The following DUSP13B variants were observed in gnomAD, a reference collection of about 807,000 sequenced individuals.
DUSP13B encodes dual specificity phosphatase 13B.
chr10:75,099,159 C>T, the DUSP13B span: 1 of 1,232,162 alleles, frequency 8.1e-7, no homozygotes, highest in South Asian at 4.1e-5. Flanking sequence ...GAATATGGGC[C>T]TGGTGCCGTG....
chr10:75,105,909 C>G, the DUSP13B span: 12 of 1,528,768 alleles, frequency 7.8e-6, no homozygotes, highest in Non-Finnish European at 1.1e-5. Flanking sequence ...TCCCACACAC[C>G]GGCCCACCCA....
the DUSP13B span, among the ~76,000 whole-genome samples, chr10:75,099,943 G>A: frequency 1.3e-5 from 2 of 152,192 alleles, no homozygotes; most frequent in East Asian, 3.9e-4. Context: ...GCAGGGCAGA[G>A]GGCAGTGTAG....
chr10:75,101,629 A>C, the DUSP13B span, among the ~76,000 whole-genome samples: 1 of 152,196 alleles, frequency 6.6e-6, no homozygotes, highest in Non-Finnish European at 1.5e-5. Flanking sequence ...ACCGAGACTC[A>C]GAGAGGTTAA....
At chr10:75,106,032 G>C in the DUSP13B span, among the ~76,000 whole-genome samples, 1 of 152,076 alleles carries the variant, frequency 6.6e-6, no homozygotes, top group Non-Finnish European at 1.5e-5. Flanking sequence ...CGGTAAAATG[G>C]GTAGATCAAC....
the DUSP13B span, chr10:75,099,205 G>A: frequency 8.6e-7 from 1 of 1,163,706 alleles, no homozygotes; most frequent in Non-Finnish European, 1.0e-6. Flanking sequence ...AACTGCCCCT[G>A]ATCCCCTGGA....
At chr10:75,097,788 G>A in the DUSP13B span, 13 of 1,613,766 alleles carry the variant, frequency 8.1e-6, no homozygotes, top group African/African-American at 4.0e-5. Flanking sequence ...CACAGCAAGC[G>A]CTGCAGCGAA....
chr10:75,099,073 G>A, the DUSP13B span: 3 of 1,232,316 alleles, frequency 2.4e-6, no homozygotes, highest in Non-Finnish European at 3.0e-6. Flanking sequence ...CCCCACCCGG[G>A]TCAGGTAGCT....
At chr10:75,095,929 A>G in the DUSP13B span, 1 of 780,704 alleles carries the variant, frequency 1.3e-6, no homozygotes, top group Non-Finnish European at 2.1e-6. Context: ...AAATTGGCCC[A>G]GGGTGAAGGG....
the DUSP13B span, among the ~76,000 whole-genome samples, chr10:75,102,936 G>C: frequency 6.6e-6 from 1 of 152,158 alleles, no homozygotes; most frequent in African/African-American, 2.4e-5. Flanking sequence ...TTGGCAACAA[G>C]AACGAAACTC....
At chr10:75,108,112 A>G in the DUSP13B span, 1 of 1,613,800 alleles carries the variant, frequency 6.2e-7, no homozygotes, top group Non-Finnish European at 8.5e-7. Context: ...CTGCCGTAGA[A>G]GTCAGGGCCG....
chr10:75,103,922 G>C, the DUSP13B span: 1 of 1,315,204 alleles, frequency 7.6e-7, no homozygotes, highest in Admixed American at 2.2e-5. Flanking sequence ...GTGGCTGAGA[G>C]GGGGTGTAGG....
the DUSP13B span, among the ~76,000 whole-genome samples, chr10:75,101,377 C>A: frequency 6.6e-6 from 1 of 152,142 alleles, no homozygotes; most frequent in East Asian, 1.9e-4. Context: ...TTACTCTTAC[C>A]CTTTCCAGCC....
chr10:75,099,967 G>A, the DUSP13B span, among the ~76,000 whole-genome samples: 1 of 152,138 alleles, frequency 6.6e-6, no homozygotes, highest in Non-Finnish European at 1.5e-5. Flanking sequence ...GGTGGAGTTG[G>A]GGAAGCCCCC....
chr10:75,104,142 C>A, the DUSP13B span: 1 of 1,286,104 alleles, frequency 7.8e-7, no homozygotes, highest in African/African-American at 1.5e-5. Flanking sequence ...TGAACCAAGG[C>A]CCAGGCTGGC....
the DUSP13B span, among the ~76,000 whole-genome samples, chr10:75,104,570 C>T: frequency 2.6e-5 from 4 of 152,194 alleles, no homozygotes; most frequent in Admixed American, 2.6e-4. Flanking sequence ...GATGCTCCGC[C>T]AGGTTCCTGG....
At chr10:75,104,142 C>T in the DUSP13B span, 8 of 1,286,106 alleles carry the variant, frequency 6.2e-6, no homozygotes, top group Admixed American at 1.8e-4. Flanking sequence ...TGAACCAAGG[C>T]CCAGGCTGGC....
chr10:75,097,733 G>A, the DUSP13B span: 1 of 1,608,688 alleles, frequency 6.2e-7, no homozygotes. Flanking sequence ...GAAGAGGCTG[G>A]GCCAGACCTC....
chr10:75,106,613 G>A, the DUSP13B span, among the ~76,000 whole-genome samples: 1 of 152,176 alleles, frequency 6.6e-6, no homozygotes, highest in Non-Finnish European at 1.5e-5. Context: ...CACCCCCGCC[G>A]TGTGCTCCCA....
the DUSP13B span, chr10:75,097,703 C>T: frequency 6.4e-7 from 1 of 1,561,038 alleles, no homozygotes; most frequent in Admixed American, 1.8e-5. Context: ...TAACGTGGGT[C>T]TTACTCACGC....
Sources: gnomAD v4.1 joint callset for allele counts (sites outside exome capture counted in the v4.1 genomes callset) on GRCh38, gnomAD v4.1.1 for gene constraint, MANE v1.5 for transcripts, NCBI Gene and HGNC (gene_info 2026-07-23, HGNC 2026-07-21) for gene names.